The following ZNF727 variants were observed in gnomAD, a reference collection of about 807,000 sequenced individuals.
ZNF727 encodes zinc finger protein 727, also known as putative zinc finger protein 727.
Under a neutral mutation model 11.5 loss-of-function variants are expected in ZNF727, and 11 were observed. The observed-to-expected ratio is 0.95, with a 90% CI of 0.60 to 1.58. The LOEUF (loss-of-function observed/expected upper bound fraction) is 1.58. ZNF727 is among the 40% of genes most tolerant of loss of function. ZNF727 has a pLI of 0.00. For missense variants in ZNF727, 533 were observed against 581.7 expected (o/e 0.92, Z 0.86); for synonymous variants, 171 against 196.1 (o/e 0.87, Z 1.07).
rs1431455251 is a variant in ZNF727, at chr7:64,045,447, T to C, written c.-175T>C. On this transcript the variant is annotated 5_prime_UTR_variant, in exon 1 of 4. It removes an upstream start codon present in the reference 5' UTR. Transcript: ENST00000456806. ...AGAGGAAGAGGCGGGCTCTTCAATA[T>C]GGCAAGGCCTTCGTCTCCTAGCTTC... The C allele has an allele frequency of 2.2e-6, 2 of 890,284 alleles. No homozygotes were observed. The highest frequency in any genetic ancestry group is 1.8e-6 in the Non-Finnish European group (1 of 551,424). The allele number at this position is 890,284 out of a possible 1,614,324, so 55.1% of individuals were successfully genotyped here.
chr7:64,075,073 A>G (rs1790019934), intron 3 of ZNF727, among the ~76,000 whole-genome samples: 1 of 152,126 alleles, frequency 6.6e-6, no homozygotes, highest in Admixed American at 6.6e-5. Flanking sequence ...TAGGCACACC[A>G]TATATTAAAA....
At chr7:64,071,632 C>G (rs1330514422) in intron 3 of ZNF727, among the ~76,000 whole-genome samples, 2 of 152,072 alleles carry the variant, frequency 1.3e-5, no homozygotes, top group East Asian at 3.9e-4. Flanking sequence ...GCTTTCATTG[C>G]TGTACTTTTC....
In ZNF727 at chr7:64,082,668, G is replaced by A. The variant is rs185348468; in HGVS notation, c.*4119G>A. Among the ~76,000 whole-genome samples, 1,150 of 152,246 alleles carry A rather than the reference G, an allele frequency of 7.6e-3. 8 individuals are homozygous for A. The highest frequency in any genetic ancestry group is 0.011 in the Non-Finnish European group (775 of 68,010). ...AGGCAGGTGGATTGCCTGAGCTCAGGAGTTCAAGACCAGCCTGGGCAACAT... is the reference window on the plus strand; with the variant it reads ...AGGCAGGTGGATTGCCTGAGCTCAGAAGTTCAAGACCAGCCTGGGCAACAT... On this transcript the variant is annotated 3_prime_UTR_variant, in exon 4 of 4. Transcript: ENST00000456806.
chr7:64,055,582 A>C (rs544130879), intron 1 of ZNF727, among the ~76,000 whole-genome samples: 2 of 152,244 alleles, frequency 1.3e-5, no homozygotes, highest in East Asian at 3.9e-4. Context: ...CTTCTCTCTG[A>C]ATTCTACCAT....
At position 64,078,279 on chromosome 7, in the gene ZNF727, C is replaced by T. The variant is rs1163444657; in HGVS notation, c.1230C>T (p.Asn410=). The change falls in exon 4 of 4, where the codon AAC becomes AAT. Residue 410 remains asparagine (N), a synonymous_variant. Coordinates refer to ENST00000456806, the MANE Select transcript of ZNF727 (RefSeq NM_001159522.3). ...ECGKSFTCSS[N]LIKHKRIHME... ...GCAAAAGCTTTACCTGCTCCTCAAA[C>T]CTTATTAAACACAAGAGAATTCATA... The T allele has an allele frequency of 2.5e-6, 4 of 1,594,852 alleles. No homozygotes were observed. Among genetic ancestry groups the T allele is most frequent in the Non-Finnish European group, 3.4e-6 (4 of 1,170,486 alleles).
intron 1 of ZNF727, among the ~76,000 whole-genome samples, chr7:64,059,896 G>A (rs117094572): frequency 0.012 from 1,830 of 152,048 alleles, 16 homozygotes; most frequent in Non-Finnish European, 0.02. Flanking sequence ...TAGGTAAATA[G>A]GACTTTGTCA....
chr7:64,066,400 T>A (rs540290869), intron 1 of ZNF727, among the ~76,000 whole-genome samples: 3 of 152,260 alleles, frequency 2.0e-5, no homozygotes, highest in East Asian at 3.9e-4. Context: ...GACTTCAAAC[T>A]ATTCTACAAG....
In ZNF727 at chr7:64,077,433, C is replaced by T. The variant is rs1785685639; in HGVS notation, c.384C>T (p.Ser128=). ...QRVGNCKGQK[S]SYNGIHQCLS... is the part of the protein sequence containing the mutation. ...TGGGTAATTGCAAGGGGCAGAAAAG[C>T]AGTTATAATGGCATTCATCAATGTT... is the stretch of plus-strand genomic sequence containing the variant. Residue 128 remains serine (S), a synonymous_variant, in exon 4 of 4, where the codon AGC becomes AGT. Transcript: ENST00000456806. The T allele has an allele frequency of 6.4e-7, 1 of 1,551,748 alleles. No homozygotes were observed. The highest frequency in any genetic ancestry group is 8.7e-7 in the Non-Finnish European group (1 of 1,147,038).
chr7:64,052,480 G>A (rs1042180752), intron 1 of ZNF727, among the ~76,000 whole-genome samples: 1 of 150,954 alleles, frequency 6.6e-6, no homozygotes, highest in South Asian at 2.1e-4. Flanking sequence ...GCCAGATTGC[G>A]CAGGCAGAAG....
chr7:64,046,885 A>G (rs1170698191), intron 1 of ZNF727, among the ~76,000 whole-genome samples: 2 of 152,062 alleles, frequency 1.3e-5, no homozygotes, highest in Non-Finnish European at 2.9e-5. Context: ...GGTTACAGTT[A>G]TGTATTGCAT....
intron 1 of ZNF727, among the ~76,000 whole-genome samples, chr7:64,052,364 G>T (rs772710005): frequency 3.4e-5 from 5 of 146,028 alleles, no homozygotes; most frequent in Non-Finnish European, 7.4e-5. Flanking sequence ...AGTTCCCCTG[G>T]ACAATTTCTC....
intron 3 of ZNF727, among the ~76,000 whole-genome samples, chr7:64,074,169 T>C (rs541724362): frequency 7.9e-5 from 12 of 152,104 alleles, no homozygotes; most frequent in Non-Finnish European, 1.3e-4. Context: ...CTCAGAATGA[T>C]TTGGTAGATA....
Position 64,079,047 on chromosome 7 carries a change from G to T in ZNF727, c.*498G>T, listed in dbSNP as rs1785741263. ...TCCTCAATCCTTATTAACCACAAGA[G>T]AATTCATATGGAAGAGGGACCTTAC... On this transcript the variant is annotated 3_prime_UTR_variant, in exon 4 of 4. Transcript: ENST00000456806. Among the ~76,000 whole-genome samples, 1 of 151,988 alleles carries T rather than the reference G, an allele frequency of 6.6e-6. No individual in the cohort carries two copies. Among genetic ancestry groups the T allele is most frequent in the African/African-American group, 2.4e-5 (1 of 41,388 alleles).
chr7:64,075,689 A>C (rs1194617478), intron 3 of ZNF727, among the ~76,000 whole-genome samples: 2 of 152,168 alleles, frequency 1.3e-5, no homozygotes, highest in Non-Finnish European at 2.9e-5. Flanking sequence ...TTGGGTATAC[A>C]TGGATATAAA....
chr7:64,069,058 A>G, intron 2 of ZNF727, 41 bp downstream of exon 2: 1 of 1,487,936 alleles, frequency 6.7e-7, no homozygotes, highest in African/African-American at 1.5e-5. Flanking sequence ...TCTACATTAA[A>G]TATTTTATTT....
At chr7:64,062,047 CTTA>C (rs1789780248) in intron 1 of ZNF727, among the ~76,000 whole-genome samples, 1 of 147,440 alleles carries the variant, frequency 6.8e-6, no homozygotes, top group East Asian at 2.0e-4. Flanking sequence ...CTATTTATAT[CTTA>C]TTATGCTGTC....
chr7:64,076,603 ATTATGGAGACTTCTT>A (rs2116327015), intron 3 of ZNF727, among the ~76,000 whole-genome samples: 1 of 152,296 alleles, frequency 6.6e-6, no homozygotes, highest in East Asian at 1.9e-4. Flanking sequence ...CAAAAAAAAA[ATTATGGAGACTTCTT>A]TTATGTGTTG....
intron 1 of ZNF727, among the ~76,000 whole-genome samples, chr7:64,067,996 T>G (rs1191448197): frequency 6.6e-6 from 1 of 152,192 alleles, no homozygotes; most frequent in Non-Finnish European, 1.5e-5. Context: ...TAAATTTTGC[T>G]TAAAACTGAT....
chr7:64,074,710 G>A (rs1373854474), intron 3 of ZNF727, among the ~76,000 whole-genome samples: 1 of 152,114 alleles, frequency 6.6e-6, no homozygotes. Context: ...ATTTCACTTC[G>A]AAAGTATCTT....
Sources: allele counts gnomAD v4.1 joint callset (sites outside exome capture counted in the v4.1 genomes callset), GRCh38; gene constraint gnomAD v4.1.1; transcripts MANE v1.5; gene names NCBI Gene and HGNC (gene_info 2026-07-23, HGNC 2026-07-21).